Variants in VWA2 observed in about 807,000 individuals in gnomAD.
The protein encoded by VWA2 is von Willebrand factor A domain containing 2, also known as von Willebrand factor A domain-containing protein 2.
In VWA2, 73 loss-of-function variants were observed where a neutral mutation model predicts 70.4. That is an observed-to-expected ratio of 1.04 (90% CI 0.86 to 1.26). The LOEUF is 1.26. Among genes scored for constraint, VWA2 ranks in the 50% most tolerant of loss-of-function variants. The pLI is 0.00. For missense variants in VWA2, 1,011 were observed against 998.5 expected, an observed-to-expected ratio of 1.01 and a Z score of -0.17; for synonymous variants, 407 against 423.3, an observed-to-expected ratio of 0.96 and a Z score of 0.47.
At chr10:114,291,151 G>C (rs968555877) in intron 13 of VWA2, 67 bp from the exon 14 acceptor site, 6 of 1,543,452 alleles carry the variant, frequency 3.9e-6, no homozygotes, top group Non-Finnish European at 4.4e-6. Flanking sequence ...GGGGTCCTCA[G>C]AGGCTGCTGG....
At position 114,278,857 on chromosome 10, in the gene VWA2, T is replaced by C; in HGVS notation, c.833+6T>C. 1.2e-6 allele frequency: 2 copies of C among 1,612,522 alleles called. No homozygotes were observed. The highest frequency in any genetic ancestry group is 1.7e-6 in the Non-Finnish European group (2 of 1,179,978). Reference sequence around the variant, plus strand: ...GCACACTGTCCCTTCTACAGGTTTGTCTGCGCGGTCTGGGCTCGGCCTGGG... The same window carrying C: ...GCACACTGTCCCTTCTACAGGTTTGCCTGCGCGGTCTGGGCTCGGCCTGGG... On this transcript the variant is annotated splice_donor_region_variant and intron_variant, in intron 8 of 13. Coordinates refer to ENST00000392982, the MANE Select transcript of VWA2 (RefSeq NM_001272046.2).
chr10:114,276,734 G>A (rs1213826176), intron 6 of VWA2, among the ~76,000 whole-genome samples: 3 of 144,206 alleles, frequency 2.1e-5, no homozygotes, highest in Non-Finnish European at 4.5e-5. Context: ...GCCCAGGCTG[G>A]TCTCAAACTC....
chr10:114,249,384 T>C (rs111457989), intron 2 of VWA2, among the ~76,000 whole-genome samples: 51 of 152,226 alleles, frequency 3.4e-4, no homozygotes, highest in Middle Eastern at 3.4e-3. Flanking sequence ...GCCTCTTGAG[T>C]AGCTGAGATG....
rs761247064 is a variant in VWA2 at position 114,289,272 on chromosome 10, T to G, written c.1905T>G (p.Ala635=). 12 of 1,614,070 alleles carry G rather than the reference T, an allele frequency of 7.4e-6. No homozygotes were observed. The African/African-American group carries it at 1.6e-4, about 22-fold the overall frequency. The change falls in exon 12 of 14, where the codon GCT becomes GCG. Residue 635 remains alanine (A), a synonymous_variant. Transcript: ENST00000392982. ...QRGARPGVPK[A]VVVLTGGRGA... is the part of the protein sequence containing the mutation. Reference sequence around the variant, plus strand: ...GTGCCCGGCCTGGTGTCCCCAAAGCTGTGGTGGTGCTCACAGGCGGGAGAG... The same window carrying G: ...GTGCCCGGCCTGGTGTCCCCAAAGCGGTGGTGGTGCTCACAGGCGGGAGAG...
rs2133268172 is a variant in VWA2, at chr10:114,239,585, G to A, written c.-11+16G>A. 6.6e-6 allele frequency: 1 copy of A among 152,372 alleles called. No homozygotes were observed. Among genetic ancestry groups the A allele is most frequent in the East Asian group, 1.9e-4 (1 of 5,152 alleles). 9.4% of individuals were successfully genotyped at this position (152,372 alleles called of 1,614,324 possible). A position where few individuals can be genotyped will look rare whatever the true frequency, so the allele number is the denominator to read the frequency against. On this transcript the variant is annotated intron_variant, in intron 1 of 13. Transcript: ENST00000392982. ...TCTCCTTCCGGTGAGTCCCAGCCCC[G>A]AGTTGGCTCTGGCGCCCGGGTACCC...
chr10:114,246,424 C>T, intron 1 of VWA2: 1 of 602,726 alleles, frequency 1.7e-6, no homozygotes, highest in Non-Finnish European at 2.9e-6. Context: ...TCGCTTGAAC[C>T]CGGGAGGCAG....
At position 114,278,804 on chromosome 10, in the gene VWA2, A is replaced by G; in HGVS notation, c.786A>G (p.Gly262=). 1.2e-6 allele frequency: 2 copies of G among 1,613,558 alleles called. No homozygotes were observed. The highest frequency in any genetic ancestry group is 1.7e-6 in the Non-Finnish European group (2 of 1,180,032). The change falls in exon 8 of 14, where the codon GGA becomes GGG. Residue 262 remains glycine (G), a synonymous_variant. Coordinates refer to ENST00000392982, the MANE Select transcript of VWA2 (RefSeq NM_001272046.2). ...CTGGCAATGCCCCATGCTGGAGAGG[A>G]TCGCGGCGGACCCTTGCGGTGCTGG... is the stretch of plus-strand genomic sequence containing the variant. ...EFAGNAPCWR[G]SRRTLAVLAA...
intron 11 of VWA2, among the ~76,000 whole-genome samples, chr10:114,288,643 A>G (rs552030019): frequency 1.2e-4 from 19 of 152,358 alleles, no homozygotes; most frequent in Non-Finnish European, 2.4e-4. Flanking sequence ...GAAGGTAAGC[A>G]GCTTCCAGCT....
intron 6 of VWA2, among the ~76,000 whole-genome samples, chr10:114,275,594 T>TC (rs1042556759): frequency 2.0e-5 from 3 of 152,050 alleles, no homozygotes; most frequent in African/African-American, 7.2e-5. Flanking sequence ...TGGTTTTTTT[T>TC]CCCCCAGATA....
intron 6 of VWA2, among the ~76,000 whole-genome samples, chr10:114,275,423 A>T (rs1006005821): frequency 6.6e-6 from 1 of 152,184 alleles, no homozygotes; most frequent in African/African-American, 2.4e-5. Flanking sequence ...CGTTTCCCAC[A>T]TTGTGCCAGA....
intron 5 of VWA2, among the ~76,000 whole-genome samples, chr10:114,261,796 T>G (rs1274919132): frequency 6.6e-6 from 1 of 152,230 alleles, no homozygotes; most frequent in Non-Finnish European, 1.5e-5. Context: ...AGTCTGTTCT[T>G]GCATTGCTAT....
chr10:114,269,462 T>C (rs2037658082), intron 5 of VWA2, among the ~76,000 whole-genome samples: 1 of 152,132 alleles, frequency 6.6e-6, no homozygotes, highest in Admixed American at 6.5e-5. Context: ...GTGCCTGTAG[T>C]CCCAGCTACT....
Position 114,286,191 on chromosome 10 carries a change from G to T in VWA2, c.1250G>T (p.Gly417Val). The T allele has an allele frequency of 6.2e-7, 1 of 1,614,040 alleles. No homozygotes were observed. The highest frequency in any genetic ancestry group is 8.5e-7 in the Non-Finnish European group (1 of 1,180,000). ...AGCCTCGATGGCATTCCCTTCCGTG[G>T]TGGCCCCACCCTGACGGGCAGTGCC... ...VWSLDGIPFR[G>V]GPTLTGSALR... is the part of the protein sequence containing the mutation. The change falls in exon 11 of 14, where the codon GGT becomes GTT. Residue 417 changes from glycine to valine, a missense_variant. Coordinates refer to ENST00000392982, the MANE Select transcript of VWA2 (RefSeq NM_001272046.2).
At chr10:114,275,548 C>T (rs1264155866) in intron 6 of VWA2, among the ~76,000 whole-genome samples, 1 of 97,012 alleles carries the variant, frequency 1.0e-5, no homozygotes, top group African/African-American at 8.1e-5. Flanking sequence ...GTAGCTGGAA[C>T]AGTGCCTCTC....
At chr10:114,283,794 G>C (rs909189692) in intron 9 of VWA2, among the ~76,000 whole-genome samples, 1 of 152,248 alleles carries the variant, frequency 6.6e-6, no homozygotes, top group African/African-American at 2.4e-5. Flanking sequence ...TGAGCCCCCA[G>C]CTATTTCCAC....
rs562039351 is a variant in VWA2, at chr10:114,246,968, A to G, written c.-10-1736A>G. On this transcript the variant is annotated intron_variant, in intron 1 of 13. Coordinates refer to ENST00000392982, the MANE Select transcript of VWA2 (RefSeq NM_001272046.2). ...TTATACTGGTTCGTAATCTGGAGGC[A>G]AGGTTCCGCTGCAGCTGCCCCCTCA... 4.2e-3 allele frequency among the ~76,000 whole-genome samples: 635 copies of G among 152,286 alleles called. 10 individuals are homozygous for G. Among genetic ancestry groups the G allele is most frequent in the Non-Finnish European group, 5.0e-3 (342 of 68,022 alleles).
chr10:114,258,408 C>G (rs951361919), intron 4 of VWA2, among the ~76,000 whole-genome samples: 3 of 152,164 alleles, frequency 2.0e-5, no homozygotes, highest in African/African-American at 7.2e-5. Flanking sequence ...CTTCCTGGCT[C>G]TAATGTAGTG....
intron 12 of VWA2, chr10:114,290,022 G>T: frequency 1.4e-5 from 6 of 440,872 alleles, no homozygotes; most frequent in African/African-American, 2.0e-5. Context: ...TCTGCCATGT[G>T]TATGGCACGT....
At chr10:114,267,641 C>T (rs1414157701) in intron 5 of VWA2, among the ~76,000 whole-genome samples, 5 of 151,342 alleles carry the variant, frequency 3.3e-5, no homozygotes, top group East Asian at 1.9e-4. Context: ...GAGGTTTCGC[C>T]ATGTTAGCCA....
Sources: allele counts gnomAD v4.1 joint callset (sites outside exome capture counted in the v4.1 genomes callset), GRCh38; gene constraint gnomAD v4.1.1; transcripts MANE v1.5; gene names NCBI Gene and HGNC (gene_info 2026-07-23, HGNC 2026-07-21).